TAFA1: variants seen among roughly 807,000 people sequenced by gnomAD.
TAFA1 encodes the protein chemokine-like protein TAFA-1.
A neutral mutation model predicts 18.5 loss-of-function variants in TAFA1; 4 were observed. That is an observed-to-expected ratio of 0.22 (90% CI 0.11 to 0.49). The LOEUF (loss-of-function observed/expected upper bound fraction) is 0.49. TAFA1 is among the 20% of genes least tolerant of loss of function. The pLI, the probability that TAFA1 is intolerant of heterozygous loss-of-function variation, is 0.98. For synonymous variants in TAFA1, 56 were observed against 55.2 expected (o/e 1.01, Z -0.06); for missense variants, 147 against 169.0 (o/e 0.87, Z 0.72).
intron 2 of TAFA1, among the ~76,000 whole-genome samples, chr3:68,074,540 A>C (rs1021695581): frequency 2.0e-5 from 3 of 152,230 alleles, no homozygotes; most frequent in Non-Finnish European, 4.4e-5. Context: ...AAAAATGCCT[A>C]CAGCAAAGGG....
chr3:68,499,264 GA>G (rs5849851), intron 3 of TAFA1, among the ~76,000 whole-genome samples: 7 of 148,284 alleles, frequency 4.7e-5, no homozygotes, highest in South Asian at 2.1e-4. Flanking sequence ...TATGTTAAAA[GA>G]AAAAAAAAAG....
At chr3:68,036,973 T>G (rs566850283) in intron 2 of TAFA1, among the ~76,000 whole-genome samples, 1 of 152,254 alleles carries the variant, frequency 6.6e-6, no homozygotes, top group South Asian at 2.1e-4. Context: ...AGGAACTAAT[T>G]CCTGCTCTCT....
chr3:68,164,172 G>A (rs572731519), intron 2 of TAFA1, among the ~76,000 whole-genome samples: 8 of 152,262 alleles, frequency 5.3e-5, no homozygotes, highest in South Asian at 2.1e-4. Context: ...GAGTCAGCAC[G>A]TTTATTACAA....
chr3:68,001,055 C>T (rs569927267), upstream of TAFA1, among the ~76,000 whole-genome samples: 28 of 152,158 alleles, frequency 1.8e-4, no homozygotes, highest in African/African-American at 6.5e-4. Context: ...CCTTTATATG[C>T]TTCTGATATA....
At chr3:68,453,234 C>T (rs1180549123) in intron 3 of TAFA1, among the ~76,000 whole-genome samples, 1 of 152,170 alleles carries the variant, frequency 6.6e-6, no homozygotes, top group Non-Finnish European at 1.5e-5. Context: ...AGAGCCATTG[C>T]AGACTCCTTT....
At chr3:68,409,884 T>C (rs2070679571) in intron 2 of TAFA1, among the ~76,000 whole-genome samples, 1 of 152,188 alleles carries the variant, frequency 6.6e-6, no homozygotes, top group Non-Finnish European at 1.5e-5. Context: ...GTCATCTGCC[T>C]GCCAGTCATT....
chr3:68,038,398 C>T lies in TAFA1; in HGVS notation c.118+31654C>T, dbSNP rs9842606. ...GGGTAACCAATCAGGAATTCTGTAT[C>T]GAGGTCAGTGTAACAGTTTGTCCAG... On this transcript the variant is annotated intron_variant, in intron 2 of 4. Transcript: ENST00000478136. Among the ~76,000 whole-genome samples the T allele has an allele frequency of 4.6e-4, 70 of 152,148 alleles. 1 individual carries two copies. The highest frequency in any genetic ancestry group is 1.2e-4 in the Non-Finnish European group (8 of 68,030).
chr3:68,212,062 G>T (rs974503800), intron 2 of TAFA1, among the ~76,000 whole-genome samples: 15 of 151,982 alleles, frequency 9.9e-5, no homozygotes, highest in Non-Finnish European at 8.8e-5. Context: ...AAAATAAGTG[G>T]TAAGTGGAGG....
upstream of TAFA1, among the ~76,000 whole-genome samples, chr3:68,000,946 TG>T (rs111691041): frequency 0.12 from 19,020 of 152,160 alleles, 1,605 homozygotes; most frequent in African/African-American, 0.24. Context: ...TGAGTAGCTT[TG>T]GGGGATCTGA....
At chr3:68,056,696 T>C (rs2064540832) in intron 2 of TAFA1, among the ~76,000 whole-genome samples, 2 of 152,282 alleles carry the variant, frequency 1.3e-5, no homozygotes, top group East Asian at 3.9e-4. Context: ...GTGGGAGATT[T>C]ACATGCCAAT....
At chr3:68,173,585 T>G (rs1270421489) in intron 2 of TAFA1, among the ~76,000 whole-genome samples, 1 of 152,202 alleles carries the variant, frequency 6.6e-6, no homozygotes, top group African/African-American at 2.4e-5. Flanking sequence ...TTCAAACACT[T>G]AAGAAACTTG....
At chr3:68,125,428 T>A (rs1485785527) in intron 2 of TAFA1, among the ~76,000 whole-genome samples, 3 of 152,212 alleles carry the variant, frequency 2.0e-5, no homozygotes, top group Admixed American at 2.0e-4. Context: ...CATTTAAAAC[T>A]CTTCAAAAAG....
chr3:68,502,355 A>G (rs1489365135), intron 3 of TAFA1, among the ~76,000 whole-genome samples: 1 of 152,150 alleles, frequency 6.6e-6, no homozygotes, highest in South Asian at 2.1e-4. Context: ...ACACAGAAAA[A>G]AAAAGACTTT....
At chr3:68,145,286 G>T (rs534444824) in intron 2 of TAFA1, 1 of 788,920 alleles carries the variant, frequency 1.3e-6, no homozygotes, top group Non-Finnish European at 2.3e-6. Flanking sequence ...AACCATCAAC[G>T]CTCATCAGTG....
chr3:68,303,993 A>G (rs1435791778), intron 2 of TAFA1, among the ~76,000 whole-genome samples: 1 of 152,204 alleles, frequency 6.6e-6, no homozygotes, highest in Non-Finnish European at 1.5e-5. Context: ...AAAAGTAGAC[A>G]TTACATTAGT....
chr3:68,142,632 T>C (rs2065681608), intron 2 of TAFA1, among the ~76,000 whole-genome samples: 1 of 152,224 alleles, frequency 6.6e-6, no homozygotes, highest in African/African-American at 2.4e-5. Context: ...AACCTCCTAC[T>C]CTAACAGGGT....
intron 2 of TAFA1, among the ~76,000 whole-genome samples, chr3:68,345,262 G>A (rs1222698589): frequency 6.6e-6 from 1 of 152,124 alleles, no homozygotes; most frequent in African/African-American, 2.4e-5. Flanking sequence ...GAATGAAAGT[G>A]AGCAACCAGG....
intron 2 of TAFA1, among the ~76,000 whole-genome samples, chr3:68,251,599 A>T (rs2067197527): frequency 6.6e-6 from 1 of 152,174 alleles, no homozygotes. Context: ...GACATCAGGG[A>T]GATGACATTT....
chr3:68,264,395 T>C (rs537938515), intron 2 of TAFA1, among the ~76,000 whole-genome samples: 2 of 152,306 alleles, frequency 1.3e-5, no homozygotes, highest in Non-Finnish European at 2.9e-5. Flanking sequence ...CCTAACATCT[T>C]TTACCTTTTC....
Sources: gnomAD v4.1 joint callset for allele counts (sites outside exome capture counted in the v4.1 genomes callset) on GRCh38, gnomAD v4.1.1 for gene constraint, MANE v1.5 for transcripts, NCBI Gene and HGNC (gene_info 2026-07-23, HGNC 2026-07-21) for gene names.